The following C7orf78 variants were observed in gnomAD, a reference collection of about 807,000 sequenced individuals.
The protein encoded by C7orf78 is putative uncharacterized protein C7orf78.
the C7orf78 span, among the ~76,000 whole-genome samples, chr7:12,528,512 A>T: frequency 2.6e-5 from 1 of 38,500 alleles, no homozygotes; most frequent in Non-Finnish European, 5.0e-5. Flanking sequence ...TGAAATGGAA[A>T]ATGTCAGCTT....
chr7:12,496,774 C>T, the C7orf78 span: 1 of 152,014 alleles, frequency 6.6e-6, no homozygotes, highest in Non-Finnish European at 1.5e-5. Flanking sequence ...TGATAAAGAA[C>T]CATATGTATC....
At chr7:12,507,777 T>C in the C7orf78 span, among the ~76,000 whole-genome samples, 1 of 152,218 alleles carries the variant, frequency 6.6e-6, no homozygotes, top group African/African-American at 2.4e-5. Context: ...AATTAGTGCA[T>C]GTATGTTATG....
At chr7:12,539,893 G>C in the C7orf78 span, among the ~76,000 whole-genome samples, 1 of 152,204 alleles carries the variant, frequency 6.6e-6, no homozygotes, top group Admixed American at 6.5e-5. Flanking sequence ...TCATTGTTAG[G>C]ATGTCATGAT....
the C7orf78 span, chr7:12,530,900 A>G: frequency 2.5e-6 from 1 of 394,562 alleles, no homozygotes; most frequent in Non-Finnish European, 4.5e-6. Context: ...TGAATCTGGA[A>G]TACAGATACA....
the C7orf78 span, among the ~76,000 whole-genome samples, chr7:12,534,440 G>A: frequency 1.8e-4 from 28 of 152,018 alleles, no homozygotes; most frequent in African/African-American, 6.8e-4. Context: ...ATCTTTAAAA[G>A]AACCACAAAA....
the C7orf78 span, chr7:12,523,421 C>T: frequency 4.0e-5 from 16 of 397,782 alleles, no homozygotes; most frequent in Admixed American, 8.8e-5. Flanking sequence ...ACATGACTTT[C>T]GACAGGTAAA....
chr7:12,500,974 A>G, the C7orf78 span, among the ~76,000 whole-genome samples: 1 of 151,700 alleles, frequency 6.6e-6, no homozygotes, highest in African/African-American at 2.4e-5. Flanking sequence ...AGCCAAAGAC[A>G]AAAACCACAT....
At chr7:12,509,387 G>A in the C7orf78 span, among the ~76,000 whole-genome samples, 3 of 152,166 alleles carry the variant, frequency 2.0e-5, no homozygotes, top group Non-Finnish European at 4.4e-5. Context: ...TGCTTTGAGA[G>A]AACCTGTGTA....
At chr7:12,536,032 C>T in the C7orf78 span, among the ~76,000 whole-genome samples, 1 of 152,176 alleles carries the variant, frequency 6.6e-6, no homozygotes, top group Non-Finnish European at 1.5e-5. Context: ...TACAAGCTGT[C>T]AGTGAATCTA....
At chr7:12,520,739 T>TC in the C7orf78 span, among the ~76,000 whole-genome samples, 746 of 152,348 alleles carry the variant, frequency 4.9e-3, 6 homozygotes, top group Non-Finnish European at 7.0e-3. Context: ...CTGTTAGGTT[T>TC]ATTTGCTCTA....
the C7orf78 span, chr7:12,522,938 G>T: frequency 2.5e-6 from 1 of 397,928 alleles, no homozygotes; most frequent in South Asian, 1.3e-4. Context: ...TTGCTATAGT[G>T]ACAAGCTTCA....
the C7orf78 span, among the ~76,000 whole-genome samples, chr7:12,488,976 A>G: frequency 7.6e-6 from 1 of 132,366 alleles, no homozygotes; most frequent in Non-Finnish European, 1.6e-5. Flanking sequence ...ACTACCTTTT[A>G]TTGCCCTAGT....
chr7:12,519,994 C>T, the C7orf78 span, among the ~76,000 whole-genome samples: 1 of 152,146 alleles, frequency 6.6e-6, no homozygotes. Flanking sequence ...CATTGGGTCT[C>T]CAGATGAACA....
chr7:12,502,764 C>T, the C7orf78 span, among the ~76,000 whole-genome samples: 2 of 146,138 alleles, frequency 1.4e-5, no homozygotes, highest in Non-Finnish European at 3.0e-5. Flanking sequence ...AATCATGCTG[C>T]TATAAAGACA....
At chr7:12,533,512 C>CTTTTTTTTTTTTTTT in the C7orf78 span, among the ~76,000 whole-genome samples, 1 of 112,606 alleles carries the variant, frequency 8.9e-6, no homozygotes, top group Non-Finnish European at 1.8e-5. Flanking sequence ...CCAAAGGTTT[C>CTTTTTTTTTTTTTTT]TTTTTTTTTT....
the C7orf78 span, among the ~76,000 whole-genome samples, chr7:12,500,759 C>T: frequency 1.1e-4 from 16 of 151,158 alleles, no homozygotes; most frequent in East Asian, 7.8e-4. Context: ...ATACCAAAGC[C>T]GGGCAGAGAC....
the C7orf78 span, among the ~76,000 whole-genome samples, chr7:12,490,541 A>G: frequency 6.6e-6 from 1 of 152,112 alleles, no homozygotes; most frequent in Non-Finnish European, 1.5e-5. Flanking sequence ...TGGAAAGGAA[A>G]TTGCCTTTAG....
At chr7:12,491,368 T>C in the C7orf78 span, 1 of 152,198 alleles carries the variant, frequency 6.6e-6, no homozygotes, top group Non-Finnish European at 1.5e-5. Context: ...CCTTTGGATG[T>C]TTTTTAGCTC....
At chr7:12,532,093 A>G in the C7orf78 span, among the ~76,000 whole-genome samples, 2 of 152,174 alleles carry the variant, frequency 1.3e-5, no homozygotes, top group African/African-American at 4.8e-5. Context: ...GGCAAAGGGA[A>G]GGGAAGATGG....
Sources: gnomAD v4.1 joint callset for allele counts (sites outside exome capture counted in the v4.1 genomes callset) on GRCh38, gnomAD v4.1.1 for gene constraint, MANE v1.5 for transcripts, NCBI Gene and HGNC (gene_info 2026-07-23, HGNC 2026-07-21) for gene names.